The following PATJ variants were observed in gnomAD, a reference collection of about 807,000 sequenced individuals.
The protein encoded by PATJ is PATJ crumbs cell polarity complex component, also known as inaD-like protein.
In PATJ, 190 loss-of-function variants were observed where a neutral mutation model predicts 224.9. The observed-to-expected ratio is 0.84, with a 90% CI of 0.75 to 0.95. The LOEUF (loss-of-function observed/expected upper bound fraction) is 0.95, where lower values mean the gene tolerates loss of function less well. Ranked by LOEUF, PATJ falls within the 40% of genes least tolerant of loss-of-function variation. The pLI is 0.00. For synonymous variants in PATJ, 769 were observed against 820.3 expected (o/e 0.94, Z 1.07); for missense variants, 2,121 against 2,270.3 (o/e 0.93, Z 1.34).
chr1:61,892,929 G>A (rs972843876), intron 22 of PATJ, among the ~76,000 whole-genome samples: 22 of 151,950 alleles, frequency 1.4e-4, no homozygotes, highest in African/African-American at 4.8e-4. Flanking sequence ...CTAACTGATT[G>A]AGCTATTGAT....
chr1:62,156,038 A>G (rs1669164929), intron 43 of PATJ, among the ~76,000 whole-genome samples: 1 of 137,034 alleles, frequency 7.3e-6, no homozygotes, highest in Non-Finnish European at 1.5e-5. Context: ...AGCCTGGGTG[A>G]CAGAGCAAGA....
chr1:61,936,360 AATACTTGCT>A (rs1676871108), intron 27 of PATJ, among the ~76,000 whole-genome samples: 1 of 150,990 alleles, frequency 6.6e-6, no homozygotes. Flanking sequence ...GAGAAAACAG[AATACTTGCT>A]AGCCCCACTG....
At chr1:61,923,032 T>C (rs769698762) in intron 26 of PATJ, among the ~76,000 whole-genome samples, 4 of 152,258 alleles carry the variant, frequency 2.6e-5, no homozygotes, top group Non-Finnish European at 5.9e-5. Flanking sequence ...AACTTTGGAC[T>C]GCTCCATTAA....
In PATJ at chr1:61,822,920, A is replaced by G. The variant is rs372825555; in HGVS notation, c.1684-25A>G. On this transcript the variant is annotated intron_variant, in intron 14 of 43. Coordinates refer to ENST00000642238, the MANE Select transcript of PATJ (RefSeq NM_001350145.3). ...GCCGGATGTGTCATTGTCATGTTTG[A>G]TCATTGCTTTGTGTTTTGCTACAGC... 4 of 1,613,488 alleles carry G rather than the reference A, an allele frequency of 2.5e-6. No individual in the cohort carries two copies. The African/African-American group carries it at 5.3e-5, about 22-fold the overall frequency.
chr1:61,782,415 C>T (rs577520182), intron 7 of PATJ, among the ~76,000 whole-genome samples: 1 of 152,242 alleles, frequency 6.6e-6, no homozygotes, highest in South Asian at 2.1e-4. Flanking sequence ...GGAGGATGAA[C>T]AACTGACCTT....
At chr1:62,107,968 C>A (rs1372863510) in intron 33 of PATJ, among the ~76,000 whole-genome samples, 1 of 152,194 alleles carries the variant, frequency 6.6e-6, no homozygotes, top group Non-Finnish European at 1.5e-5. Context: ...CTCCTGTTTT[C>A]TTCTCCTCCA....
intron 27 of PATJ, among the ~76,000 whole-genome samples, chr1:61,946,123 T>C (rs922160693): frequency 6.6e-6 from 1 of 152,078 alleles, no homozygotes; most frequent in Non-Finnish European, 1.5e-5. Flanking sequence ...AGGAAAGATC[T>C]AAAATTGACA....
chr1:61,844,028 T>G (rs1661530004), intron 17 of PATJ, among the ~76,000 whole-genome samples: 1 of 152,194 alleles, frequency 6.6e-6, no homozygotes, highest in Admixed American at 6.5e-5. Context: ...TCTGTCCTCA[T>G]GGAGTTTAAA....
At chr1:61,868,687 G>C (rs1665783853) in intron 20 of PATJ, among the ~76,000 whole-genome samples, 1 of 152,102 alleles carries the variant, frequency 6.6e-6, no homozygotes, top group South Asian at 2.1e-4. Context: ...TACTCGGGAG[G>C]CTGAGCCAGG....
chr1:61,951,675 G>A (rs2149386777), intron 27 of PATJ, among the ~76,000 whole-genome samples: 1 of 152,014 alleles, frequency 6.6e-6, no homozygotes, highest in East Asian at 1.9e-4. Context: ...TAACTTGAAG[G>A]CTTGACTGCT....
intron 16 of PATJ, among the ~76,000 whole-genome samples, chr1:61,828,030 T>A (rs1166514729): frequency 6.6e-6 from 1 of 152,040 alleles, no homozygotes; most frequent in African/African-American, 2.4e-5. Context: ...GTGGAACACC[T>A]AAGGTCGGGA....
chr1:62,126,418 G>C (rs1031775039), intron 39 of PATJ, among the ~76,000 whole-genome samples: 2 of 152,150 alleles, frequency 1.3e-5, no homozygotes, highest in Non-Finnish European at 2.9e-5. Context: ...ACAGGTAGTT[G>C]TTTTTTACAT....
intron 1 of PATJ, among the ~76,000 whole-genome samples, chr1:61,745,698 G>A (rs1315270811): frequency 6.6e-6 from 1 of 151,838 alleles, no homozygotes; most frequent in Non-Finnish European, 1.5e-5. Flanking sequence ...CTGCCTCCCA[G>A]GGTCAAGCGC....
At chr1:61,799,607 A>T (rs1243867958) in intron 11 of PATJ, among the ~76,000 whole-genome samples, 2 of 152,150 alleles carry the variant, frequency 1.3e-5, no homozygotes, top group Non-Finnish European at 2.9e-5. Flanking sequence ...TGTTACATGG[A>T]TATATATGCA....
intron 3 of PATJ, among the ~76,000 whole-genome samples, chr1:61,763,989 T>G (rs1346109580): frequency 6.7e-6 from 1 of 149,820 alleles, no homozygotes; most frequent in Non-Finnish European, 1.5e-5. Context: ...TTTTTGTGTG[T>G]GTGTGTGGTC....
At chr1:62,001,113 C>T (rs1255526556) in intron 28 of PATJ, among the ~76,000 whole-genome samples, 15 of 150,514 alleles carry the variant, frequency 1.0e-4, no homozygotes, top group Admixed American at 3.3e-4. Context: ...GAGTAGGTTG[C>T]GAAAATTTTC....
rs1341984454 is a variant in PATJ, at chr1:61,763,007, C to G, written c.23-6C>G. 5 of 1,603,722 alleles carry G rather than the reference C, an allele frequency of 3.1e-6. No individual in the cohort carries two copies. Among genetic ancestry groups the G allele is most frequent in the Non-Finnish European group, 4.3e-6 (5 of 1,174,126 alleles). ...CTATTACTCTACTTATTCATCTTGA[C>G]CCAAGATAAACTGCAGGTGCTGCAG... is the stretch of plus-strand genomic sequence containing the variant. On this transcript the variant is annotated splice_region_variant and splice_polypyrimidine_tract_variant and intron_variant, in intron 2 of 43. Coordinates refer to ENST00000642238, the MANE Select transcript of PATJ (RefSeq NM_001350145.3).
At chr1:61,820,793 G>A (rs945405726) in intron 14 of PATJ, among the ~76,000 whole-genome samples, 1 of 152,216 alleles carries the variant, frequency 6.6e-6, no homozygotes, top group African/African-American at 2.4e-5. Context: ...GGATCCACTG[G>A]CAACTCTTTG....
At chr1:61,814,547 T>TGTGTGTGTGTGTGTGTGC (rs370488022) in intron 14 of PATJ, among the ~76,000 whole-genome samples, 7 of 142,572 alleles carry the variant, frequency 4.9e-5, no homozygotes, top group Middle Eastern at 3.6e-3. Context: ...TGTGTGTGTG[T>TGTGTGTGTGTGTGTGTGC]GCGCGCGCGC....
Sources: gnomAD v4.1 joint callset for allele counts (sites outside exome capture counted in the v4.1 genomes callset) on GRCh38, gnomAD v4.1.1 for gene constraint, MANE v1.5 for transcripts, NCBI Gene and HGNC (gene_info 2026-07-23, HGNC 2026-07-21) for gene names.